Variants in CACNA2D3 observed in about 807,000 individuals in gnomAD.
The protein encoded by CACNA2D3 is calcium voltage-gated channel auxiliary subunit alpha2delta 3.
In CACNA2D3, 60 loss-of-function variants were observed where a neutral mutation model predicts 160.6. The observed-to-expected ratio is 0.37, with a 90% confidence interval of 0.30 to 0.46. The LOEUF is 0.46. CACNA2D3 is among the 20% of genes least tolerant of loss of function. The pLI is 1.00. For missense variants in CACNA2D3, 1,205 were observed against 1,365.0 expected (o/e 0.88, Z 1.85); for synonymous variants, 558 against 492.9 (o/e 1.13, Z -1.75).
intron 11 of CACNA2D3, among the ~76,000 whole-genome samples, chr3:54,747,379 C>T (rs906890988): frequency 2.6e-5 from 4 of 152,092 alleles, no homozygotes; most frequent in African/African-American, 4.8e-5. Context: ...TGGCCTCCTA[C>T]TTACTACCTC....
At chr3:54,987,614 T>C in intron 30 of CACNA2D3, 69 bp from the exon 31 acceptor site, 1 of 1,017,652 alleles carries the variant, frequency 9.8e-7, no homozygotes, top group South Asian at 1.5e-5. Context: ...CTGTGTCCCT[T>C]TTCATTTCTT....
chr3:54,219,305 C>T (rs1054567382), intron 2 of CACNA2D3, among the ~76,000 whole-genome samples: 1 of 152,184 alleles, frequency 6.6e-6, no homozygotes, highest in East Asian at 1.9e-4. Flanking sequence ...TGCTATGGCT[C>T]AGGGCTTCCT....
intron 2 of CACNA2D3, among the ~76,000 whole-genome samples, chr3:54,210,326 T>C (rs6784987): frequency 0.048 from 7,282 of 152,190 alleles, 259 homozygotes; most frequent in Non-Finnish European, 0.075. Flanking sequence ...GTCCAGTAAG[T>C]TTAATCAAAC....
intron 11 of CACNA2D3, among the ~76,000 whole-genome samples, chr3:54,730,934 T>G (rs576852087): frequency 6.6e-6 from 1 of 152,344 alleles, no homozygotes. Context: ...TGGGTTGATT[T>G]TCTAATTTGA....
At chr3:54,929,425 G>A (rs902035003) in intron 27 of CACNA2D3, among the ~76,000 whole-genome samples, 12 of 152,186 alleles carry the variant, frequency 7.9e-5, no homozygotes, top group African/African-American at 2.2e-4. Context: ...CTGGCCCTTC[G>A]TGCCACTCTG....
intron 5 of CACNA2D3, among the ~76,000 whole-genome samples, chr3:54,561,063 CT>C (rs1702317055): frequency 6.6e-6 from 1 of 152,162 alleles, no homozygotes; most frequent in Admixed American, 6.6e-5. Flanking sequence ...TATTCAGGCT[CT>C]TTTTTAGTTT....
At chr3:54,411,419 T>C (rs1426626309) in intron 4 of CACNA2D3, among the ~76,000 whole-genome samples, 2 of 152,148 alleles carry the variant, frequency 1.3e-5, no homozygotes, top group Non-Finnish European at 2.9e-5. Context: ...CCACAGTCAC[T>C]CCAACCTTTA....
chr3:54,981,166 T>C (rs1333064217), intron 29 of CACNA2D3, among the ~76,000 whole-genome samples: 3 of 152,140 alleles, frequency 2.0e-5, no homozygotes, highest in African/African-American at 4.8e-5. Context: ...TACAAGACAA[T>C]AGGGAAATGT....
chr3:54,576,070 A>C (rs1267672209), intron 8 of CACNA2D3, among the ~76,000 whole-genome samples: 1 of 152,162 alleles, frequency 6.6e-6, no homozygotes, highest in African/African-American at 2.4e-5. Flanking sequence ...AGACCCACAG[A>C]AATGAGTCTC....
intron 16 of CACNA2D3, among the ~76,000 whole-genome samples, chr3:54,844,302 G>A (rs149985818): frequency 0.012 from 1,767 of 152,254 alleles, 36 homozygotes; most frequent in African/African-American, 0.04. Flanking sequence ...CCTGGCAACC[G>A]TAGAGAAAGG....
At chr3:54,250,783 AG>A (rs1260569604) in intron 2 of CACNA2D3, among the ~76,000 whole-genome samples, 3 of 152,186 alleles carry the variant, frequency 2.0e-5, no homozygotes, top group Non-Finnish European at 4.4e-5. Context: ...TGCAACTCCT[AG>A]GGGGCTTACA....
At chr3:54,898,464 C>G (rs942032113) in intron 26 of CACNA2D3, among the ~76,000 whole-genome samples, 1 of 152,130 alleles carries the variant, frequency 6.6e-6, no homozygotes, top group African/African-American at 2.4e-5. Flanking sequence ...CTAAAGTGAT[C>G]CACCCTCCTT....
At chr3:54,153,361 A>G (rs1700185909) in intron 2 of CACNA2D3, among the ~76,000 whole-genome samples, 2 of 152,230 alleles carry the variant, frequency 1.3e-5, no homozygotes. Flanking sequence ...AAATGCACTC[A>G]TATTTATTTT....
rs868765986 is a variant in CACNA2D3 at position 54,459,474 on chromosome 3, T to G, written c.382-44018T>G. 2.9e-3 allele frequency among the ~76,000 whole-genome samples: 430 copies of G among 150,872 alleles called. 4 individuals carry two copies. The highest frequency in any genetic ancestry group is 4.4e-3 in the Non-Finnish European group (298 of 67,404). On this transcript the variant is annotated intron_variant, in intron 4 of 37. Coordinates refer to ENST00000474759, the MANE Select transcript of CACNA2D3 (RefSeq NM_018398.3). ...TTAATGATCGCCATTCTAACTGGTG[T>G]GAGATGGTATCTCATTGTGGTTTTG...
intron 2 of CACNA2D3, among the ~76,000 whole-genome samples, chr3:54,129,110 TA>T (rs1341707115): frequency 3.3e-5 from 5 of 151,654 alleles, no homozygotes; most frequent in Non-Finnish European, 7.4e-5. Flanking sequence ...GTGATTTTCC[TA>T]AATATTTAGT....
intron 4 of CACNA2D3, among the ~76,000 whole-genome samples, chr3:54,467,870 G>T (rs927421723): frequency 2.0e-5 from 3 of 152,112 alleles, no homozygotes; most frequent in Admixed American, 2.0e-4. Flanking sequence ...TGGAAGAGAG[G>T]TTTTGAAAGT....
chr3:54,913,886 T>A (rs1700608421), intron 27 of CACNA2D3, among the ~76,000 whole-genome samples: 2 of 152,202 alleles, frequency 1.3e-5, no homozygotes, highest in African/African-American at 4.8e-5. Flanking sequence ...CCCACGTGTT[T>A]TGGTTACTAT....
chr3:54,342,836 A>G (rs1481610397), intron 3 of CACNA2D3, among the ~76,000 whole-genome samples: 1 of 152,224 alleles, frequency 6.6e-6, no homozygotes, highest in East Asian at 1.9e-4. Context: ...TCTGGGCTGT[A>G]GCCACCCAGC....
At chr3:54,850,930 T>C (rs1699044609) in intron 17 of CACNA2D3, among the ~76,000 whole-genome samples, 1 of 152,206 alleles carries the variant, frequency 6.6e-6, no homozygotes, top group Admixed American at 6.5e-5. Flanking sequence ...GAAATTCACA[T>C]TCATTCCTTC....
Sources: allele counts gnomAD v4.1 joint callset (sites outside exome capture counted in the v4.1 genomes callset), GRCh38; gene constraint gnomAD v4.1.1; transcripts MANE v1.5; gene names NCBI Gene and HGNC (gene_info 2026-07-23, HGNC 2026-07-21).